The following CNR1 variants were observed in gnomAD, a reference collection of about 807,000 sequenced individuals.
The protein encoded by CNR1 is cannabinoid receptor 1.
CNR1 carries 10 observed loss-of-function variants against 23.0 expected under a neutral mutation model. The ratio of observed to expected loss-of-function variants is 0.43; its 90% CI spans 0.27 to 0.74. CNR1 has a LOEUF of 0.74. CNR1 is among the 30% of genes least tolerant of loss of function. The pLI, the probability that CNR1 is intolerant of heterozygous loss-of-function variation, is 0.19. For synonymous variants in CNR1, 271 were observed against 255.2 expected (o/e 1.06, Z -0.59); for missense variants, 422 against 618.8 (o/e 0.68, Z 3.37).
In CNR1 at chr6:88,141,408, C is replaced by G. The variant is rs1296597426; in HGVS notation, c.*2448G>C. 2 of 152,630 alleles carry G rather than the reference C, an allele frequency of 1.3e-5. No homozygotes were observed. The highest frequency in any genetic ancestry group is 2.9e-5 in the Non-Finnish European group (2 of 68,016). The allele number at this position is 152,630 out of a possible 1,614,324, so 9.5% of individuals were successfully genotyped here. A position where few individuals can be genotyped will look rare whatever the true frequency, so the allele number is the denominator to read the frequency against. On this transcript the variant is annotated 3_prime_UTR_variant, in exon 2 of 2. Coordinates refer to ENST00000369501, the MANE Select transcript of CNR1 (RefSeq NM_016083.6). ...ATATATGATTTAGATCTTGAAAGCA[C>G]AACACACTATAAAATCTACACTGCA...
upstream of CNR1, among the ~76,000 whole-genome samples, chr6:88,166,578 C>T (rs1317879192): frequency 6.6e-6 from 1 of 152,132 alleles, no homozygotes; most frequent in Admixed American, 6.5e-5. Flanking sequence ...TCACCTACTT[C>T]TCCTCTTCCT....
At position 88,144,612 on chromosome 6, in the gene CNR1, G is replaced by T. The variant is rs1207925397; in HGVS notation, c.663C>A (p.Pro221=). ...TGGTGACAATCCTCTTATAGGCCAG[G>T]GGCCTGTGAATGGATATGTACCTGT... is the stretch of plus-strand genomic sequence containing the variant. ...AIDRYISIHR[P]LAYKRIVTRP... is the part of the protein sequence containing the mutation. The change falls in exon 2 of 2, where the codon CCC becomes CCA. Residue 221 remains proline, a synonymous_variant. Transcript: ENST00000369501. The surrounding 1 kb of genome is among the most constrained non-coding windows in gnomAD (Gnocchi z 7.8). 1 of 1,614,248 alleles carries T rather than the reference G, an allele frequency of 6.2e-7. No homozygotes were observed. The highest frequency in any genetic ancestry group is 1.1e-5 in the South Asian group (1 of 91,090).
In CNR1 at chr6:88,141,989, A is replaced by G. The variant is rs1056266986; in HGVS notation, c.*1867T>C. The G allele has an allele frequency of 1.3e-5, 2 of 152,364 alleles. No homozygotes were observed. The highest frequency in any genetic ancestry group is 3.7e-4 in the East Asian group (2 of 5,334). The allele number at this position is 152,364 out of a possible 1,614,324, so 9.4% of individuals were successfully genotyped here. A position where few individuals can be genotyped will look rare whatever the true frequency, so the allele number is the denominator to read the frequency against. On this transcript the variant is annotated 3_prime_UTR_variant, in exon 2 of 2. Transcript: ENST00000369501. ...TCAGGGTTAAGTAGATTCTTCAGCA[A>G]TATCATTCCTTACTGGAAAAAGGCC...
intron 1 of CNR1, among the ~76,000 whole-genome samples, chr6:88,151,067 A>G (rs766101016): frequency 6.6e-6 from 1 of 152,186 alleles, no homozygotes; most frequent in Non-Finnish European, 1.5e-5. Flanking sequence ...GACTGGTGAC[A>G]CTGAGCCTAT....
intron 1 of CNR1, among the ~76,000 whole-genome samples, chr6:88,147,005 G>A (rs1159510823): frequency 1.3e-5 from 2 of 152,282 alleles, no homozygotes; most frequent in East Asian, 1.9e-4. Flanking sequence ...AAGAGTCCCT[G>A]CCCTTGGCCG....
At chr6:88,161,699 A>T (rs1485763877) in intron 1 of CNR1, among the ~76,000 whole-genome samples, 1 of 152,230 alleles carries the variant, frequency 6.6e-6, no homozygotes, top group Non-Finnish European at 1.5e-5. Context: ...AGCAATATGT[A>T]TTAAACATGC....
chr6:88,146,669 TTTC>T (rs1194695909), intron 1 of CNR1, among the ~76,000 whole-genome samples: 2 of 152,264 alleles, frequency 1.3e-5, no homozygotes, highest in Non-Finnish European at 2.9e-5. Context: ...GGGCTATTCA[TTTC>T]TTTAGTTTAT....
At chr6:88,150,620 C>T (rs1202331032) in intron 1 of CNR1, among the ~76,000 whole-genome samples, 1 of 152,200 alleles carries the variant, frequency 6.6e-6, no homozygotes, top group Non-Finnish European at 1.5e-5. Context: ...AGGTTATCAT[C>T]TTTTGCTATT....
At chr6:88,161,103 G>C (rs1363281826) in intron 1 of CNR1, among the ~76,000 whole-genome samples, 1 of 152,086 alleles carries the variant, frequency 6.6e-6, no homozygotes, top group Non-Finnish European at 1.5e-5. Context: ...CAAAAATATA[G>C]AATATTATGC....
At chr6:88,152,965 TAC>T (rs1777607104) in intron 1 of CNR1, among the ~76,000 whole-genome samples, 1 of 152,326 alleles carries the variant, frequency 6.6e-6, no homozygotes, top group Non-Finnish European at 1.5e-5. Context: ...TGGTTTTTAT[TAC>T]AGTTATAGTA....
chr6:88,159,987 T>A (rs1018271087), intron 1 of CNR1, among the ~76,000 whole-genome samples: 1 of 152,238 alleles, frequency 6.6e-6, no homozygotes, highest in African/African-American at 2.4e-5. Context: ...ATGATCTTTT[T>A]TTTTTTAAAG....
At chr6:88,147,386 GCA>G (rs779114094) in intron 1 of CNR1, among the ~76,000 whole-genome samples, 11 of 152,284 alleles carry the variant, frequency 7.2e-5, no homozygotes, top group Non-Finnish European at 8.8e-5. Context: ...TTAAAAGAAA[GCA>G]TGGGGAGAGC....
Position 88,143,811 on chromosome 6 carries a change from T to TAA in CNR1, c.*43_*44dup. On this transcript the variant is annotated 3_prime_UTR_variant, in exon 2 of 2. Coordinates refer to ENST00000369501, the MANE Select transcript of CNR1 (RefSeq NM_016083.6). ...AATAGACTCTTCTAGATTTTGAGCT[T>TAA]AAAAAAAAAAATTCTTTTCCTGTGC... 15 of 1,233,864 alleles carry TAA rather than the reference T, an allele frequency of 1.2e-5. No homozygotes were observed. The highest frequency in any genetic ancestry group is 3.1e-5 in the South Asian group (2 of 64,860). The allele number at this position is 1,233,864 out of a possible 1,614,324, so 76.4% of individuals were successfully genotyped here.
At chr6:88,149,829 CG>C (rs1483662301) in intron 1 of CNR1, among the ~76,000 whole-genome samples, 2 of 152,142 alleles carry the variant, frequency 1.3e-5, no homozygotes, top group Admixed American at 6.5e-5. Flanking sequence ...GGCCTCATCA[CG>C]TCGTATAATC....
chr6:88,147,950 C>G (rs527378893), intron 1 of CNR1: 9 of 152,618 alleles, frequency 5.9e-5, no homozygotes, highest in African/African-American at 2.2e-4. Context: ...GTCCTTAATA[C>G]TCTCCACAAC....
intron 1 of CNR1, among the ~76,000 whole-genome samples, chr6:88,154,789 G>A (rs964746572): frequency 2.0e-5 from 3 of 152,152 alleles, no homozygotes; most frequent in African/African-American, 7.2e-5. Flanking sequence ...ATATTTGCTG[G>A]GCCGGCCTTG....
At chr6:88,158,558 ATTC>A (rs1299703636) in intron 1 of CNR1, among the ~76,000 whole-genome samples, 4 of 152,156 alleles carry the variant, frequency 2.6e-5, no homozygotes, top group Non-Finnish European at 4.4e-5. Context: ...AAAAACACAA[ATTC>A]TCAGGATCCA....
chr6:88,154,839 A>G (rs1469460872), intron 1 of CNR1, among the ~76,000 whole-genome samples: 1 of 152,164 alleles, frequency 6.6e-6, no homozygotes, highest in East Asian at 1.9e-4. Flanking sequence ...TCGGCCTCCC[A>G]CAAGTGCTGG....
At position 88,144,785 on chromosome 6, in the gene CNR1, G is replaced by A. The variant is rs776821613; in HGVS notation, c.490C>T (p.Leu164Phe). 2.5e-6 allele frequency: 4 copies of A among 1,614,166 alleles called. No individual in the cohort carries two copies. The Admixed American group carries it at 5.0e-5, about 20-fold the overall frequency. ...HFIGSLAVAD[L>F]LGSVIFVYSF... Reference sequence around the variant, plus strand: ...TAGACAAAAATGACACTCCCCAGGAGGTCTGCCACCGCCAGGCTGCCGATG... The same window carrying A: ...TAGACAAAAATGACACTCCCCAGGAAGTCTGCCACCGCCAGGCTGCCGATG... The change falls in exon 2 of 2, where the codon CTC (leucine) becomes TTC (phenylalanine). Residue 164 changes from leucine (L) to phenylalanine (F), a missense_variant. By Grantham distance (22) the Leu-to-Phe change is conservative (BLOSUM62 0). Around this residue, in one of 4 missense-constraint regions of CNR1, gnomAD observed 211 missense variants for 357.3 expected, o/e 0.59. Coordinates refer to ENST00000369501, the MANE Select transcript of CNR1 (RefSeq NM_016083.6). The surrounding 1 kb of genome is among the most constrained non-coding windows in gnomAD (Gnocchi z 7.8).
Sources: allele counts gnomAD v4.1 joint callset (sites outside exome capture counted in the v4.1 genomes callset), GRCh38; gene constraint gnomAD v4.1.1; regional missense constraint gnomAD v4.1.1; non-coding constraint Gnocchi (gnomAD v3.1); transcripts MANE v1.5; gene names NCBI Gene and HGNC (gene_info 2026-07-23, HGNC 2026-07-21).